Variants in XIRP2 observed in about 807,000 individuals in gnomAD.
XIRP2 encodes xin actin binding repeat containing 2.
Under a neutral mutation model 277.0 loss-of-function variants are expected in XIRP2, and 236 were observed. The observed-to-expected ratio is 0.85, with a 90% CI of 0.77 to 0.95. The LOEUF (loss-of-function observed/expected upper bound fraction) is 0.95, where lower values mean the gene tolerates loss of function less well. Ranked by LOEUF, XIRP2 falls within the 40% of genes least tolerant of loss-of-function variation. XIRP2 has a pLI of 0.00. For synonymous variants in XIRP2, 1,490 were observed against 1,416.5 expected (o/e 1.05, Z -1.17); for missense variants, 4,640 against 4,157.5 (o/e 1.12, Z -3.19).
rs760696848 is a variant in XIRP2 at position 167,249,308 on chromosome 2, C to T, written c.7916C>T (p.Ala2639Val). 5 of 1,613,668 alleles carry T rather than the reference C, an allele frequency of 3.1e-6. No individual in the cohort carries two copies. In the Admixed American group the frequency reaches 8.3e-5, roughly 27 times the overall value. The change falls in exon 9 of 11, where the codon GCC becomes GTC. Residue 2639 changes from alanine (A) to valine (V), a missense_variant. By Grantham distance (64) the Ala-to-Val change is moderately conservative. Coordinates refer to ENST00000409195, the MANE Select transcript of XIRP2 (RefSeq NM_152381.6). The stretch of plus-strand genomic sequence containing the variant: ...ACAACATCGCCAGAAACAGTCGCTG[C>T]CAAGAGGCTCCACCATGTTTTAGCA... Reference protein sequence around the residue: ...LSTTSPETVAAKRLHHVLAAS... With the variant: ...LSTTSPETVAVKRLHHVLAAS...
intron 2 of XIRP2, among the ~76,000 whole-genome samples, chr2:166,986,620 G>A (rs1227515101): frequency 1.3e-5 from 2 of 152,136 alleles, no homozygotes; most frequent in East Asian, 1.9e-4. Flanking sequence ...TAAATATCAG[G>A]GAACTGCTTA....
chr2:167,248,467 A>G lies in XIRP2; in HGVS notation c.7075A>G (p.Ser2359Gly). The G allele has an allele frequency of 6.2e-7, 1 of 1,613,616 alleles. No individual in the cohort carries two copies. The highest frequency in any genetic ancestry group is 8.5e-7 in the Non-Finnish European group (1 of 1,179,744). The change falls in exon 9 of 11, where the codon AGT (serine) becomes GGT (glycine). Residue 2359 changes from serine (S) to glycine (G), a missense_variant. Ser to Gly is a moderately conservative substitution (Grantham distance 56). Coordinates refer to ENST00000409195, the MANE Select transcript of XIRP2 (RefSeq NM_152381.6). ...PPVDEKSERE[S>G]SSMFLPPPPP... ...AGTAGATGAGAAATCTGAAAGAGAA[A>G]GTTCATCGATGTTTCTGCCGCCTCC...
chr2:167,133,014 G>T (rs1279515839), intron 2 of XIRP2, among the ~76,000 whole-genome samples: 1 of 152,082 alleles, frequency 6.6e-6, no homozygotes, highest in Non-Finnish European at 1.5e-5. Context: ...TGAACATTAG[G>T]TGTTCAATGA....
chr2:167,044,448 A>G (rs565880688), intron 2 of XIRP2, among the ~76,000 whole-genome samples: 1 of 152,230 alleles, frequency 6.6e-6, no homozygotes, highest in African/African-American at 2.4e-5. Flanking sequence ...GAAATAGATA[A>G]AAGGCATCCA....
intron 3 of XIRP2, among the ~76,000 whole-genome samples, chr2:167,167,949 T>G (rs982247064): frequency 1.3e-5 from 2 of 152,188 alleles, no homozygotes; most frequent in Non-Finnish European, 2.9e-5. Flanking sequence ...TTTCCTCATT[T>G]TTTTAAAATC....
At chr2:166,895,759 GC>G (rs1299154326) in intron 1 of XIRP2, among the ~76,000 whole-genome samples, 1 of 152,138 alleles carries the variant, frequency 6.6e-6, no homozygotes, top group African/African-American at 2.4e-5. Context: ...TGCTGGGAAA[GC>G]CTTCTCATTT....
intron 2 of XIRP2, chr2:167,124,021 T>A (rs1574275049): frequency 6.6e-6 from 1 of 152,190 alleles, no homozygotes; most frequent in Non-Finnish European, 1.5e-5. Flanking sequence ...TTTGTGGCTG[T>A]GCAGTTAATC....
intron 2 of XIRP2, among the ~76,000 whole-genome samples, chr2:166,997,243 C>T (rs1324048458): frequency 6.6e-6 from 1 of 152,052 alleles, no homozygotes; most frequent in Non-Finnish European, 1.5e-5. Flanking sequence ...CATTCTTAAC[C>T]CTATTTGTTT....
chr2:166,947,172 A>T (rs767462949), intron 2 of XIRP2, among the ~76,000 whole-genome samples: 7 of 152,218 alleles, frequency 4.6e-5, no homozygotes, highest in Non-Finnish European at 8.8e-5. Context: ...TTCAAAAAAA[A>T]GGTGGCATTT....
At chr2:166,940,380 G>A (rs995934718) in intron 2 of XIRP2, among the ~76,000 whole-genome samples, 7 of 152,116 alleles carry the variant, frequency 4.6e-5, no homozygotes, top group Admixed American at 1.3e-4. Context: ...GCCTCTTTGC[G>A]ATGGGTTTGA....
At chr2:167,031,708 T>C (rs1297165515) in intron 2 of XIRP2, among the ~76,000 whole-genome samples, 1 of 152,064 alleles carries the variant, frequency 6.6e-6, no homozygotes, top group Non-Finnish European at 1.5e-5. Flanking sequence ...TCACAATTGC[T>C]ATAAAGATAA....
intron 2 of XIRP2, among the ~76,000 whole-genome samples, chr2:167,055,517 G>A (rs575181429): frequency 3.5e-4 from 54 of 152,266 alleles, no homozygotes; most frequent in African/African-American, 1.2e-3. Context: ...AAATGTGGGA[G>A]AATTTACATC....
intron 3 of XIRP2, among the ~76,000 whole-genome samples, chr2:167,205,908 G>T (rs577569368): frequency 6.6e-6 from 1 of 151,862 alleles, no homozygotes; most frequent in African/African-American, 2.4e-5. Context: ...ATTTTCCTTT[G>T]GGCTGCCTTT....
intron 3 of XIRP2, among the ~76,000 whole-genome samples, chr2:167,136,432 T>G (rs1402303859): frequency 6.6e-6 from 1 of 152,034 alleles, no homozygotes; most frequent in African/African-American, 2.4e-5. Context: ...AAACTAGGAG[T>G]AACTATCAGT....
chr2:167,089,140 A>G (rs1033027011), intron 2 of XIRP2, among the ~76,000 whole-genome samples: 2 of 152,172 alleles, frequency 1.3e-5, no homozygotes, highest in Admixed American at 6.5e-5. Context: ...CAGGTAAGCT[A>G]CATTCTGCCT....
intron 2 of XIRP2, among the ~76,000 whole-genome samples, chr2:167,134,111 T>A (rs897707159): frequency 1.3e-5 from 2 of 151,948 alleles, no homozygotes; most frequent in Non-Finnish European, 2.9e-5. Flanking sequence ...TCTAGTGATT[T>A]TATATATATG....
chr2:166,898,329 T>C (rs1039387748), intron 1 of XIRP2, among the ~76,000 whole-genome samples: 3 of 152,154 alleles, frequency 2.0e-5, no homozygotes, highest in African/African-American at 7.2e-5. Flanking sequence ...CACACAGGTA[T>C]GTTGCTGATT....
intron 2 of XIRP2, among the ~76,000 whole-genome samples, chr2:167,051,350 C>T (rs1304768840): frequency 1.3e-5 from 2 of 152,054 alleles, no homozygotes; most frequent in Non-Finnish European, 2.9e-5. Flanking sequence ...ACAGATTATG[C>T]ATTTTGCATT....
intron 2 of XIRP2, among the ~76,000 whole-genome samples, chr2:166,929,859 A>G (rs1404828387): frequency 2.0e-5 from 3 of 152,126 alleles, no homozygotes; most frequent in African/African-American, 7.2e-5. Context: ...CACGCTTTTG[A>G]CAGGAATAAA....
Sources: allele counts gnomAD v4.1 joint callset (sites outside exome capture counted in the v4.1 genomes callset), GRCh38; gene constraint gnomAD v4.1.1; transcripts MANE v1.5; gene names NCBI Gene and HGNC (gene_info 2026-07-23, HGNC 2026-07-21).